The following CDH26 variants were observed in gnomAD, a reference collection of about 807,000 sequenced individuals.
The protein encoded by CDH26 is cadherin-like protein 26.
A neutral mutation model predicts 90.3 loss-of-function variants in CDH26; 83 were observed. The ratio of observed to expected loss-of-function variants is 0.92; its 90% CI spans 0.77 to 1.10. CDH26 has a LOEUF of 1.10. CDH26 is among the 50% of genes least tolerant of loss of function. The pLI, the probability that CDH26 is intolerant of heterozygous loss-of-function variation, is 0.00. For missense variants in CDH26, 1,013 were observed against 1,037.6 expected (o/e 0.98, Z 0.33); for synonymous variants, 397 against 396.3 (o/e 1.00, Z -0.02).
In CDH26 at chr20:59,989,106, C is replaced by T. The variant is rs2061495058; in HGVS notation, c.1226C>T (p.Ala409Val). 2 of 1,614,070 alleles carry T rather than the reference C, an allele frequency of 1.2e-6. No homozygotes were observed. Among genetic ancestry groups the T allele is most frequent in the African/African-American group, 2.7e-5 (2 of 74,924 alleles). The change falls in exon 9 of 18, where the codon GCC (alanine) becomes GTC (valine). Residue 409 changes from alanine to valine, a missense_variant. Ala to Val is a moderately conservative substitution (Grantham distance 64). Transcript: ENST00000348616. ...QSFIVNKEEG[A>V]RPGTLLGTFN... Reference sequence around the variant, plus strand: ...TTCATTGTCAATAAAGAGGAGGGCGCCAGGCCTGGGACCCTGTTGGGAACT... The same window carrying T: ...TTCATTGTCAATAAAGAGGAGGGCGTCAGGCCTGGGACCCTGTTGGGAACT...
Position 59,995,889 on chromosome 20 carries a change from C to T in CDH26, c.1723C>T (p.Pro575Ser). Residue 575 changes from proline (P) to serine (S), a missense_variant, in exon 12 of 18, where the codon CCA (proline) becomes TCA (serine). By Grantham distance (74) the Pro-to-Ser change is moderately conservative. Coordinates refer to ENST00000348616, the MANE Select transcript of CDH26 (RefSeq NM_177980.4). The part of the protein sequence containing the change: ...RSLPRGNYLV[P>S]LFIGDKQGLS... ...CCTGCCACGTGGTAATTACTTGGTGCCACTCTTCATTGGAGACAAACAGGG... is the reference window on the plus strand; with the variant it reads ...CCTGCCACGTGGTAATTACTTGGTGTCACTCTTCATTGGAGACAAACAGGG... The T allele has an allele frequency of 3.7e-6, 6 of 1,614,216 alleles. No homozygotes were observed. The highest frequency in any genetic ancestry group is 1.1e-5 in the South Asian group (1 of 91,084).
chr20:60,021,849 TACACACACACAC>T (rs757813328), intron 7 of CDH26, among the ~76,000 whole-genome samples: 547 of 42,618 alleles, frequency 0.013, 25 homozygotes, highest in African/African-American at 0.018. Context: ...TCCTTATCTG[TACACACACACAC>T]ACACACACAC....
chr20:60,031,773 G>T (rs1569073618), intron 8 of CDH26, among the ~76,000 whole-genome samples: 1 of 152,168 alleles, frequency 6.6e-6, no homozygotes, highest in Non-Finnish European at 1.5e-5. Flanking sequence ...GAGCTGGGTG[G>T]CGGCCACTGT....
chr20:60,014,921 G>A (rs1401507668), downstream of CDH26, among the ~76,000 whole-genome samples: 4 of 152,136 alleles, frequency 2.6e-5, no homozygotes, highest in South Asian at 4.1e-4. Flanking sequence ...CCTACCAACA[G>A]CGTATGGGTT....
chr20:59,999,067 G>T (rs1483261716), intron 13 of CDH26, among the ~76,000 whole-genome samples: 1 of 152,152 alleles, frequency 6.6e-6, no homozygotes, highest in Non-Finnish European at 1.5e-5. Flanking sequence ...CTAAACTATA[G>T]GGATGCCATC....
At chr20:60,032,399 T>A (rs914001232) in intron 8 of CDH26, among the ~76,000 whole-genome samples, 1 of 152,210 alleles carries the variant, frequency 6.6e-6, no homozygotes, top group African/African-American at 2.4e-5. Flanking sequence ...ACATAGATAC[T>A]GAATGCATGT....
Position 59,982,952 on chromosome 20 carries a change from A to C in CDH26, c.423A>C (p.Thr141=). The C allele has an allele frequency of 6.2e-7, 1 of 1,614,120 alleles. No individual in the cohort carries two copies. Among genetic ancestry groups the C allele is most frequent in the Non-Finnish European group, 8.5e-7 (1 of 1,179,992 alleles). The change falls in exon 5 of 18, where the codon ACA becomes ACC. Residue 141 remains threonine (T), a synonymous_variant. Coordinates refer to ENST00000348616, the MANE Select transcript of CDH26 (RefSeq NM_177980.4). ...ATTTTGATGTTGTGGAGCGCTCAAC[A>C]GGAAAAATTGTGGATACATCCTTGA... ...TVYFDVVERS[T]GKIVDTSLIF... is the part of the protein sequence containing the mutation.
intron 12 of CDH26, chr20:59,996,401 A>G: frequency 1.3e-6 from 2 of 1,503,296 alleles, no homozygotes; most frequent in Non-Finnish European, 1.8e-6. Context: ...TCCAAGAAAC[A>G]ATACAATATT....
intron 7 of CDH26, among the ~76,000 whole-genome samples, chr20:60,027,126 A>AT (rs1192336672): frequency 3.3e-5 from 5 of 152,058 alleles, no homozygotes; most frequent in African/African-American, 1.2e-4. Context: ...GGACAGGGTT[A>AT]TGGTCTTGGG....
chr20:59,971,094 A>G (rs1961866261), intron 3 of CDH26, among the ~76,000 whole-genome samples: 1 of 152,096 alleles, frequency 6.6e-6, no homozygotes, highest in African/African-American at 2.4e-5. Context: ...TATTTCCACT[A>G]CCTTCCTAGT....
chr20:59,961,937 G>A (rs1261226606), intron 1 of CDH26, among the ~76,000 whole-genome samples: 1 of 152,196 alleles, frequency 6.6e-6, no homozygotes, highest in African/African-American at 2.4e-5. Context: ...ATTTTTTGTT[G>A]TTGGTGGTGG....
At chr20:59,962,119 G>A (rs1380790457) in intron 1 of CDH26, among the ~76,000 whole-genome samples, 5 of 152,172 alleles carry the variant, frequency 3.3e-5, no homozygotes, top group Admixed American at 3.3e-4. Context: ...GGGTCAGCAG[G>A]GGACAGAGCA....
At position 59,973,622 on chromosome 20, in the gene CDH26, A is replaced by G. The variant is rs565777852; in HGVS notation, c.393+1499A>G. Among the ~76,000 whole-genome samples, 151 of 152,084 alleles carry G rather than the reference A, an allele frequency of 9.9e-4. No individual in the cohort carries two copies. In the Middle Eastern group the frequency reaches 0.024, roughly 24 times the overall value. ...CATGTGTTCTCATCATTTAGCTCCTATCTATAAGTGAGAACATGCAGTATT... is the reference window on the plus strand; with the variant it reads ...CATGTGTTCTCATCATTTAGCTCCTGTCTATAAGTGAGAACATGCAGTATT... On this transcript the variant is annotated intron_variant, in intron 4 of 17. Coordinates refer to ENST00000348616, the MANE Select transcript of CDH26 (RefSeq NM_177980.4).
chr20:59,995,939 T>C lies in CDH26; in HGVS notation c.1773T>C (p.His591=). Residue 591 remains histidine, a synonymous_variant, in exon 12 of 18, where the codon CAT becomes CAC. Transcript: ENST00000348616. Reference sequence around the variant, plus strand: ...GACTTTCCCAGAAGCAAACTGTCCATGTAAGGATCTGCCCCTGTGCCAGTG... The same window carrying C: ...GACTTTCCCAGAAGCAAACTGTCCACGTAAGGATCTGCCCCTGTGCCAGTG... ...KQGLSQKQTV[H]VRICPCASGL... 1.2e-6 allele frequency: 2 copies of C among 1,614,172 alleles called. No individual in the cohort carries two copies. Among genetic ancestry groups the C allele is most frequent in the Non-Finnish European group, 1.7e-6 (2 of 1,180,016 alleles).
chr20:60,029,178 G>A (rs903298212), intron 7 of CDH26, among the ~76,000 whole-genome samples: 1 of 152,192 alleles, frequency 6.6e-6, no homozygotes, highest in South Asian at 2.1e-4. Flanking sequence ...GAGATGGGGT[G>A]GGGGAGATGG....
chr20:59,960,394 A>AACAC (rs111336064), intron 1 of CDH26, among the ~76,000 whole-genome samples: 6,382 of 148,608 alleles, frequency 0.043, 297 homozygotes, highest in African/African-American at 0.12. Context: ...CTTATGTTAA[A>AACAC]ACACACACAC....
At chr20:59,976,560 G>A (rs1011520857) in intron 4 of CDH26, among the ~76,000 whole-genome samples, 3 of 152,344 alleles carry the variant, frequency 2.0e-5, no homozygotes, top group Admixed American at 6.5e-5. Flanking sequence ...TGATTAAGGA[G>A]CAAAGAGTTG....
At position 59,994,363 on chromosome 20, in the gene CDH26, G is replaced by T. The variant is rs771139390; in HGVS notation, c.1540G>T (p.Val514Leu). The T allele has an allele frequency of 5.6e-6, 9 of 1,614,110 alleles. No individual in the cohort carries two copies. In the East Asian group the frequency reaches 2.0e-4, roughly 36 times the overall value. ...CTACATGGAGGTCTGTGAGTCTGCTGTGCATGAGCCCCTCCACATCGAGGC... is the reference window on the plus strand; with the variant it reads ...CTACATGGAGGTCTGTGAGTCTGCTTTGCATGAGCCCCTCCACATCGAGGC... ...SRYMEVCESA[V>L]HEPLHIEAED... The change falls in exon 11 of 18, where the codon GTG (valine) becomes TTG (leucine). Residue 514 changes from valine (V) to leucine (L), a missense_variant. Transcript: ENST00000348616.
At chr20:59,996,791 G>C in intron 13 of CDH26, 30 bp downstream of exon 13, 1 of 1,613,880 alleles carries the variant, frequency 6.2e-7, no homozygotes, top group Non-Finnish European at 8.5e-7. Context: ...TGTGTCTTAT[G>C]GCAAGGAATT....
Sources: allele counts gnomAD v4.1 joint callset (sites outside exome capture counted in the v4.1 genomes callset), GRCh38; gene constraint gnomAD v4.1.1; transcripts MANE v1.5; gene names NCBI Gene and HGNC (gene_info 2026-07-23, HGNC 2026-07-21).